MYO18B: variants seen among roughly 807,000 people sequenced by gnomAD.
MYO18B encodes the protein myosin XVIIIB.
MYO18B carries 204 observed loss-of-function variants against 273.0 expected under a neutral mutation model. The observed-to-expected ratio is 0.75, with a 90% CI of 0.67 to 0.84. The LOEUF is 0.84. MYO18B is among the 40% of genes least tolerant of loss of function. MYO18B has a pLI of 0.00. For missense variants in MYO18B, 3,212 were observed against 3,287.6 expected, an observed-to-expected ratio of 0.98 and a Z score of 0.56; for synonymous variants, 1,330 against 1,305.7, an observed-to-expected ratio of 1.02 and a Z score of -0.40.
chr22:25,950,313 C>A (rs2092775234), intron 36 of MYO18B, 54 bp from the exon 37 acceptor site: 9 of 1,470,890 alleles, frequency 6.1e-6, no homozygotes, highest in Non-Finnish European at 7.4e-6. Flanking sequence ...GGTTTCCCAG[C>A]AAGGCTTGTG....
chr22:25,979,589 T>C (rs773270487), intron 39 of MYO18B, among the ~76,000 whole-genome samples: 2 of 152,202 alleles, frequency 1.3e-5, no homozygotes, highest in Non-Finnish European at 2.9e-5. Flanking sequence ...GGTCCCATGA[T>C]GGCTATTCTT....
At chr22:25,881,789 A>G (rs1319863405) in intron 25 of MYO18B, among the ~76,000 whole-genome samples, 1 of 152,228 alleles carries the variant, frequency 6.6e-6, no homozygotes, top group Non-Finnish European at 1.5e-5. Flanking sequence ...TATCATGGTT[A>G]CAACAAGATG....
intron 40 of MYO18B, among the ~76,000 whole-genome samples, chr22:25,993,954 A>G (rs1397468257): frequency 1.3e-5 from 2 of 152,302 alleles, no homozygotes; most frequent in Admixed American, 6.5e-5. Flanking sequence ...TGTGCAATGA[A>G]CATGCACACA....
intron 11 of MYO18B, 113 bp from the exon 12 acceptor site, chr22:25,797,840 G>C (rs2087989324): frequency 1.2e-5 from 17 of 1,426,516 alleles, no homozygotes; most frequent in Non-Finnish European, 1.7e-5. Context: ...AATTTATTGT[G>C]GCAATAAAAT....
chr22:26,030,142 A>G lies in MYO18B; in HGVS notation c.*13-301A>G, dbSNP rs535363455. Among the ~76,000 whole-genome samples, 59 of 152,316 alleles carry G rather than the reference A, an allele frequency of 3.9e-4. No homozygotes were observed. In the East Asian group the frequency reaches 0.011, roughly 28 times the overall value. The stretch of plus-strand genomic sequence containing the variant: ...TCCCAGTTCTTTGGGAGGCTGAGGC[A>G]GGAGGATCACTTGAGGCCAGGAGTT... On this transcript the variant is annotated intron_variant, in intron 43 of 43. Coordinates refer to ENST00000335473, the MANE Select transcript of MYO18B (RefSeq NM_032608.7).
intron 38 of MYO18B, among the ~76,000 whole-genome samples, chr22:25,954,892 T>C (rs1052556710): frequency 3.9e-5 from 6 of 152,036 alleles, no homozygotes; most frequent in Non-Finnish European, 8.8e-5. Context: ...TTGTATTTCT[T>C]AGAGAAGGGA....
At chr22:25,908,532 G>C in intron 32 of MYO18B, 100 bp downstream of exon 32, 1 of 973,974 alleles carries the variant, frequency 1.0e-6, no homozygotes, top group Non-Finnish European at 1.6e-6. Flanking sequence ...TCTGGGATCT[G>C]GGGACAAGCT....
chr22:26,043,723 C>T, the MYO18B span, among the ~76,000 whole-genome samples: 1 of 151,886 alleles, frequency 6.6e-6, no homozygotes, highest in African/African-American at 2.4e-5. Context: ...AGCATGTTGG[C>T]CAGACTGGTC....
chr22:25,949,752 A>G (rs2092769889), intron 36 of MYO18B, among the ~76,000 whole-genome samples: 1 of 152,236 alleles, frequency 6.6e-6, no homozygotes, highest in Non-Finnish European at 1.5e-5. Flanking sequence ...CACTATATGC[A>G]TATGCCCATA....
At position 25,780,045 on chromosome 22, in the gene MYO18B, G is replaced by C. The variant is rs1245669179; in HGVS notation, c.2069-11G>C. On this transcript the variant is annotated splice_polypyrimidine_tract_variant and intron_variant, in intron 8 of 43. Transcript: ENST00000335473. ...CATCAGTGACATGTGGCCCCATGCT[G>C]CCCCCAACAGTGGAGAAGATCCGAG... The C allele has an allele frequency of 1.3e-6, 2 of 1,578,430 alleles. No homozygotes were observed. Among genetic ancestry groups the C allele is most frequent in the Admixed American group, 3.5e-5 (2 of 56,522 alleles).
At chr22:25,858,315 A>C (rs910445389) in intron 21 of MYO18B, among the ~76,000 whole-genome samples, 10 of 152,232 alleles carry the variant, frequency 6.6e-5, no homozygotes, top group African/African-American at 2.4e-4. Flanking sequence ...GGTACATTAT[A>C]GGAACTCAAC....
At chr22:25,847,970 C>T (rs1041188057) in intron 20 of MYO18B, among the ~76,000 whole-genome samples, 1 of 131,638 alleles carries the variant, frequency 7.6e-6, no homozygotes, top group Non-Finnish European at 1.6e-5. Context: ...CACACACACA[C>T]ACACAAAATG....
At chr22:25,919,849 G>T (rs1165125998) in intron 33 of MYO18B, among the ~76,000 whole-genome samples, 1 of 152,146 alleles carries the variant, frequency 6.6e-6, no homozygotes, top group African/African-American at 2.4e-5. Context: ...GAACACATTC[G>T]AGGTCTTCAG....
intron 40 of MYO18B, among the ~76,000 whole-genome samples, chr22:25,992,699 T>C (rs2093282658): frequency 6.6e-6 from 1 of 152,228 alleles, no homozygotes; most frequent in East Asian, 1.9e-4. Flanking sequence ...CTAAAACCTC[T>C]CAGTCCAGCT....
intron 11 of MYO18B, among the ~76,000 whole-genome samples, chr22:25,796,857 T>C (rs2087935707): frequency 6.6e-6 from 1 of 152,228 alleles, no homozygotes; most frequent in Non-Finnish European, 1.5e-5. Flanking sequence ...AGTATCATGG[T>C]TGAGGCCTTC....
chr22:25,991,423 C>T (rs988782273), intron 39 of MYO18B, among the ~76,000 whole-genome samples: 11 of 152,174 alleles, frequency 7.2e-5, no homozygotes, highest in African/African-American at 2.2e-4. Flanking sequence ...AGCATTTCCC[C>T]AAGTTGCGAC....
chr22:25,889,555 C>CTTTT lies in MYO18B; in HGVS notation c.4315-1191_4315-1188dup, dbSNP rs11399837. 9.0e-4 allele frequency among the ~76,000 whole-genome samples: 132 copies of CTTTT among 145,948 alleles called. 3 individuals are homozygous for CTTTT. In the South Asian group the frequency reaches 0.021, roughly 23 times the overall value. On this transcript the variant is annotated intron_variant, in intron 25 of 43. Transcript: ENST00000335473. ...CTCGAACCTTGCACCCTACCTCTTT[C>CTTTT]TTTTTTTTTTTTTACAATTCTGCTG...
At chr22:26,037,823 G>A in the MYO18B span, among the ~76,000 whole-genome samples, 2 of 152,222 alleles carry the variant, frequency 1.3e-5, no homozygotes, top group African/African-American at 4.8e-5. Context: ...TATTCTTGCT[G>A]CTGGTGTTTC....
chr22:26,057,763 T>G, the MYO18B span, among the ~76,000 whole-genome samples: 1 of 152,184 alleles, frequency 6.6e-6, no homozygotes. Context: ...GGCTAGAAAC[T>G]TGCTCAGTAT....
Sources: allele counts gnomAD v4.1 joint callset (sites outside exome capture counted in the v4.1 genomes callset), GRCh38; gene constraint gnomAD v4.1.1; transcripts MANE v1.5; gene names NCBI Gene and HGNC (gene_info 2026-07-23, HGNC 2026-07-21).